BCAS3: variants seen among roughly 807,000 people sequenced by gnomAD.
BCAS3 encodes BCAS4/BCAS3 fusion.
A neutral mutation model predicts 116.1 loss-of-function variants in BCAS3; 53 were observed. That is an observed-to-expected ratio of 0.46 (90% confidence interval 0.37 to 0.57). The LOEUF (loss-of-function observed/expected upper bound fraction) is 0.57. Among genes scored for constraint, BCAS3 ranks in the 20% least tolerant of loss-of-function variants. The pLI is 0.00. For missense variants in BCAS3, 917 were observed against 1,165.4 expected (o/e 0.79, Z 3.10); for synonymous variants, 391 against 408.2 (o/e 0.96, Z 0.51).
chr17:60,740,989 GAATTTTTACTTTTTAC>G (rs1162960529), intron 5 of BCAS3, among the ~76,000 whole-genome samples: 2 of 152,122 alleles, frequency 1.3e-5, no homozygotes, highest in Non-Finnish European at 2.9e-5. Flanking sequence ...GGTTCCCCTG[GAATTTTTACTTTTTAC>G]AATTTTTAAT....
chr17:61,343,347 C>T lies in BCAS3; in HGVS notation c.2426-24980C>T, dbSNP rs115894756. On this transcript the variant is annotated intron_variant, in intron 22 of 23. Transcript: ENST00000407086. The surrounding 1 kb of genome is among the most constrained non-coding windows in gnomAD (Gnocchi z 5.5). ...GAATGGAGAGAATTACACAGGTCTC[C>T]GTCCTGTTCTCTAAGTACCAATGGT... 7.9e-3 allele frequency among the ~76,000 whole-genome samples: 1,207 copies of T among 152,302 alleles called. 18 individuals are homozygous for T. Among genetic ancestry groups the T allele is most frequent in the African/African-American group, 0.028 (1,148 of 41,570 alleles).
Position 61,180,406 on chromosome 17 carries a change from G to A in BCAS3, c.2425+95842G>A, listed in dbSNP as rs1455888035. On this transcript the variant is annotated intron_variant, in intron 22 of 23. Coordinates refer to ENST00000407086, the MANE Select transcript of BCAS3 (RefSeq NM_017679.5). The surrounding 1 kb of genome is among the most constrained non-coding windows in gnomAD (Gnocchi z 6.0). ...TGTAATAAATAAACTCTAAGCCAAT[G>A]TACTGTTAAACTGGGAGCCACTGGG... 6.6e-6 allele frequency among the ~76,000 whole-genome samples: 1 copy of A among 152,252 alleles called. No homozygotes were observed. Among genetic ancestry groups the A allele is most frequent in the Non-Finnish European group, 1.5e-5 (1 of 68,048 alleles).
intron 5 of BCAS3, among the ~76,000 whole-genome samples, chr17:60,744,345 A>G (rs896964209): frequency 5.9e-5 from 9 of 152,344 alleles, no homozygotes; most frequent in African/African-American, 1.9e-4. Context: ...ATAAAAAATC[A>G]GTTTTGGCAC....
At chr17:61,138,208 A>T (rs898573310) in intron 22 of BCAS3, among the ~76,000 whole-genome samples, 1 of 152,230 alleles carries the variant, frequency 6.6e-6, no homozygotes, top group Non-Finnish European at 1.5e-5. Context: ...TGAAATTTTA[A>T]ATTTCATTTA....
At chr17:61,072,277 A>G (rs1285164117) in intron 19 of BCAS3, among the ~76,000 whole-genome samples, 1 of 152,208 alleles carries the variant, frequency 6.6e-6, no homozygotes, top group Non-Finnish European at 1.5e-5. Flanking sequence ...GTGAGCCTCC[A>G]TGTACCTATC....
rs1388809527 is a variant in BCAS3, at chr17:61,276,623, A to G, written c.2426-91704A>G. ...GGCAGTGCTCCCCAAATTGATCTAC[A>G]GATTCAACACAATCTCTATCAAAAT... On this transcript the variant is annotated intron_variant, in intron 22 of 23. Transcript: ENST00000407086. The surrounding 1 kb of genome is among the most constrained non-coding windows in gnomAD (Gnocchi z 4.2). Among the ~76,000 whole-genome samples the G allele has an allele frequency of 6.6e-6, 1 of 152,226 alleles. No homozygotes were observed. The highest frequency in any genetic ancestry group is 6.5e-5 in the Admixed American group (1 of 15,288).
intron 9 of BCAS3, among the ~76,000 whole-genome samples, chr17:60,878,163 C>T (rs2055793096): frequency 6.6e-6 from 1 of 151,960 alleles, no homozygotes; most frequent in South Asian, 2.1e-4. Context: ...GCAGGCACCA[C>T]CACGCCCGGC....
At chr17:60,780,668 A>G (rs1280915642) in intron 6 of BCAS3, among the ~76,000 whole-genome samples, 3 of 152,200 alleles carry the variant, frequency 2.0e-5, no homozygotes, top group Non-Finnish European at 4.4e-5. Context: ...TTATTGGTGT[A>G]AAAGATAGAC....
At chr17:60,952,509 G>A (rs1012260294) in intron 14 of BCAS3, among the ~76,000 whole-genome samples, 13 of 151,550 alleles carry the variant, frequency 8.6e-5, no homozygotes, top group East Asian at 2.0e-4. Flanking sequence ...TAGTAGAGAC[G>A]GGGTTTCACT....
chr17:60,985,141 CTTTTTTTTTTT>C (rs560277871), intron 14 of BCAS3, among the ~76,000 whole-genome samples: 3 of 120,358 alleles, frequency 2.5e-5, no homozygotes, highest in Non-Finnish European at 3.3e-5. Flanking sequence ...CAACTGTATT[CTTTTTTTTTTT>C]TTTTTTTTTT....
chr17:60,869,438 A>C (rs1201988119), intron 8 of BCAS3, among the ~76,000 whole-genome samples: 1 of 152,190 alleles, frequency 6.6e-6, no homozygotes, highest in Non-Finnish European at 1.5e-5. Context: ...GAAATATAGA[A>C]AATAAATTGT....
At position 60,947,234 on chromosome 17, in the gene BCAS3, C is replaced by A. The variant is rs1424776594; in HGVS notation, c.1103C>A (p.Thr368Lys). Residue 368 changes from threonine (T) to lysine (K), a missense_variant, in exon 14 of 24, where the codon ACA becomes AAA. By Grantham distance (78) the Thr-to-Lys change is moderately conservative. Around this residue, in one of 3 missense-constraint regions of BCAS3, gnomAD observed 807 missense variants for 1,026.0 expected, o/e 0.79. Coordinates refer to ENST00000407086, the MANE Select transcript of BCAS3 (RefSeq NM_017679.5). Reference protein sequence around the residue: ...AFNTSGMLLVTTDTLGHDFHV... With the variant: ...AFNTSGMLLVKTDTLGHDFHV... ...TGTCTTCCAGGAATGCTTCTAGTCA[C>A]AACAGACACCCTTGGCCATGACTTT... is the stretch of plus-strand genomic sequence containing the variant. 1 of 1,612,490 alleles carries A rather than the reference C, an allele frequency of 6.2e-7. No homozygotes were observed. Among genetic ancestry groups the A allele is most frequent in the Non-Finnish European group, 8.5e-7 (1 of 1,178,926 alleles).
rs2067515821 is a variant in BCAS3, at chr17:61,041,635, A to T, written c.2029+743A>T. 6.6e-6 allele frequency among the ~76,000 whole-genome samples: 1 copy of T among 152,070 alleles called. No individual in the cohort carries two copies. Among genetic ancestry groups the T allele is most frequent in the Non-Finnish European group, 1.5e-5 (1 of 67,980 alleles). ...TCAACATTGACATGTTTTTAATGAA[A>T]CTTTGTTGTATTTAACACATTGTCT... On this transcript the variant is annotated intron_variant, in intron 19 of 23. Transcript: ENST00000407086. The surrounding 1 kb of genome is among the most constrained non-coding windows in gnomAD (Gnocchi z 4.7).
rs991848330 is a variant in BCAS3 at position 61,126,945 on chromosome 17, G to A, written c.2425+42381G>A. ...TTCTTTCTGGGTTATTTTTCCAAGCGGGTAGTAGAACGCCCAAGGTTATAC... is the reference window on the plus strand; with the variant it reads ...TTCTTTCTGGGTTATTTTTCCAAGCAGGTAGTAGAACGCCCAAGGTTATAC... On this transcript the variant is annotated intron_variant, in intron 22 of 23. Coordinates refer to ENST00000407086, the MANE Select transcript of BCAS3 (RefSeq NM_017679.5). The surrounding 1 kb of genome is among the most constrained non-coding windows in gnomAD (Gnocchi z 4.6). 6.6e-6 allele frequency among the ~76,000 whole-genome samples: 1 copy of A among 152,026 alleles called. No individual in the cohort carries two copies. Among genetic ancestry groups the A allele is most frequent in the Non-Finnish European group, 1.5e-5 (1 of 67,994 alleles).
chr17:60,918,582 TTTTTTC>T lies in BCAS3; in HGVS notation c.994-5808_994-5803del, dbSNP rs1454407791. 6.6e-5 allele frequency among the ~76,000 whole-genome samples: 10 copies of T among 152,284 alleles called. 1 individual carries two copies. The South Asian group carries it at 8.3e-4, about 13-fold the overall frequency. On this transcript the variant is annotated intron_variant, in intron 12 of 23. Coordinates refer to ENST00000407086, the MANE Select transcript of BCAS3 (RefSeq NM_017679.5). ...TACCCAACCTGTCTTTCTTCATTCTTTTTTTCTTTTTCTTTTTCTTTTGTCTGACTG... is the reference window on the plus strand; with the variant it reads ...TACCCAACCTGTCTTTCTTCATTCTTTTTTTCTTTTTCTTTTGTCTGACTG...
chr17:61,183,923 A>G (rs2079620139), intron 22 of BCAS3, among the ~76,000 whole-genome samples: 1 of 152,228 alleles, frequency 6.6e-6, no homozygotes, highest in Non-Finnish European at 1.5e-5. Context: ...GTTGTGAAGA[A>G]TATTAAACTT....
At position 60,746,286 on chromosome 17, in the gene BCAS3, C is replaced by T. The variant is rs199839638; in HGVS notation, c.322-912C>T. Among the ~76,000 whole-genome samples the T allele has an allele frequency of 7.9e-5, 12 of 152,106 alleles. No individual in the cohort carries two copies. In the East Asian group the frequency reaches 1.2e-3, roughly 15 times the overall value. The stretch of plus-strand genomic sequence containing the variant: ...TCCCCACCTCCTCCAAAGATAAACT[C>T]GTAGTTCTGTCAGTTGAGATGGAAA... On this transcript the variant is annotated intron_variant, in intron 5 of 23. Transcript: ENST00000407086.
At chr17:61,254,338 T>C (rs1352609909) in intron 22 of BCAS3, among the ~76,000 whole-genome samples, 2 of 152,226 alleles carry the variant, frequency 1.3e-5, no homozygotes, top group African/African-American at 4.8e-5. Flanking sequence ...ATTTCTTTGC[T>C]TAATACAAGG....
At chr17:61,163,235 T>C (rs956664029) in intron 22 of BCAS3, among the ~76,000 whole-genome samples, 39 of 152,040 alleles carry the variant, frequency 2.6e-4, no homozygotes, top group African/African-American at 8.4e-4. Flanking sequence ...CCATCCTGGC[T>C]AACACGGTGA....
Sources: allele counts gnomAD v4.1 joint callset (sites outside exome capture counted in the v4.1 genomes callset), GRCh38; gene constraint gnomAD v4.1.1; regional missense constraint gnomAD v4.1.1; non-coding constraint Gnocchi (gnomAD v3.1); transcripts MANE v1.5; gene names NCBI Gene and HGNC (gene_info 2026-07-23, HGNC 2026-07-21).